The following KAZN variants were observed in gnomAD, a reference collection of about 807,000 sequenced individuals.
KAZN encodes the protein kazrin, periplakin interacting protein.
KAZN carries 40 observed loss-of-function variants against 87.4 expected under a neutral mutation model. The observed-to-expected ratio is 0.46, with a 90% CI of 0.36 to 0.60. The LOEUF (loss-of-function observed/expected upper bound fraction) is 0.60, where lower values mean the gene tolerates loss of function less well. KAZN is among the 20% of genes least tolerant of loss of function. The pLI, the probability that KAZN is intolerant of heterozygous loss-of-function variation, is 0.00. For synonymous variants in KAZN, 466 were observed against 458.3 expected (o/e 1.02, Z -0.22); for missense variants, 898 against 1,073.9 (o/e 0.84, Z 2.29).
chr1:14,587,845 C>T (rs747769989), intron 2 of KAZN, among the ~76,000 whole-genome samples: 9 of 152,252 alleles, frequency 5.9e-5, no homozygotes, highest in Middle Eastern at 3.4e-3. Context: ...TCCCCTTCTA[C>T]GCACCTCCCC....
At chr1:15,041,252 G>A (rs1202315470) in intron 3 of KAZN, among the ~76,000 whole-genome samples, 4 of 149,028 alleles carry the variant, frequency 2.7e-5, no homozygotes, top group African/African-American at 7.5e-5. Context: ...ATGAGCCACC[G>A]CACCCGGCTC....
chr1:13,941,098 G>T (rs79817419), intron 1 of KAZN, among the ~76,000 whole-genome samples: 5 of 152,086 alleles, frequency 3.3e-5, no homozygotes, highest in East Asian at 1.9e-4. Flanking sequence ...GGAGGCTGAG[G>T]GGGAGAGAAT....
intron 1 of KAZN, among the ~76,000 whole-genome samples, chr1:14,916,731 G>A (rs1657855039): frequency 6.6e-6 from 1 of 151,976 alleles, no homozygotes; most frequent in Non-Finnish European, 1.5e-5. Context: ...GGGCAACACA[G>A]TGAGACCCTA....
intron 2 of KAZN, among the ~76,000 whole-genome samples, chr1:14,191,337 A>G (rs1430700642): frequency 6.6e-6 from 1 of 152,188 alleles, no homozygotes; most frequent in Non-Finnish European, 1.5e-5. Context: ...AGCAAGTAGC[A>G]ATTTCATTAA....
At chr1:14,969,041 G>A (rs1398750788) in intron 2 of KAZN, among the ~76,000 whole-genome samples, 12 of 152,324 alleles carry the variant, frequency 7.9e-5, no homozygotes, top group East Asian at 3.9e-4. Context: ...TAAGTCCAGC[G>A]GGGTCGGTGG....
chr1:14,640,750 T>C (rs968648099), intron 1 of KAZN, among the ~76,000 whole-genome samples: 1 of 152,176 alleles, frequency 6.6e-6, no homozygotes, highest in Non-Finnish European at 1.5e-5. Context: ...ATGCCATTTG[T>C]TCTGCCTGGA....
chr1:14,089,623 A>C (rs181158860), intron 1 of KAZN, among the ~76,000 whole-genome samples: 70 of 152,256 alleles, frequency 4.6e-4, no homozygotes, highest in Non-Finnish European at 5.0e-4. Flanking sequence ...ATGTGGTCTA[A>C]ACTCCACAGT....
At chr1:15,010,367 G>A (rs776235332) in intron 2 of KAZN, among the ~76,000 whole-genome samples, 7 of 150,024 alleles carry the variant, frequency 4.7e-5, no homozygotes, top group African/African-American at 1.5e-4. Context: ...CCAGGGGCAC[G>A]TGCCATCTGG....
chr1:14,957,861 C>T (rs780636897), intron 1 of KAZN, among the ~76,000 whole-genome samples: 2 of 152,224 alleles, frequency 1.3e-5, no homozygotes, highest in Non-Finnish European at 2.9e-5. Flanking sequence ...ATGTGCCTTG[C>T]ACCTCAGAGG....
At chr1:15,014,545 A>C (rs1669889157) in intron 2 of KAZN, among the ~76,000 whole-genome samples, 1 of 152,086 alleles carries the variant, frequency 6.6e-6, no homozygotes, top group African/African-American at 2.4e-5. Context: ...CTCTCGTGGC[A>C]CGGCATTTCC....
At chr1:14,048,365 A>G (rs1396180148) in intron 1 of KAZN, among the ~76,000 whole-genome samples, 1 of 151,348 alleles carries the variant, frequency 6.6e-6, no homozygotes, top group Non-Finnish European at 1.5e-5. Flanking sequence ...CTGCTGTTAC[A>G]GCAACCAAAC....
chr1:14,216,390 T>C (rs1470059983), intron 2 of KAZN, among the ~76,000 whole-genome samples: 1 of 152,152 alleles, frequency 6.6e-6, no homozygotes, highest in East Asian at 1.9e-4. Context: ...GGGTAGTCAC[T>C]CACTGAGGAC....
At chr1:14,940,558 CT>C (rs1660941157) in intron 1 of KAZN, among the ~76,000 whole-genome samples, 1 of 152,208 alleles carries the variant, frequency 6.6e-6, no homozygotes, top group Admixed American at 6.5e-5. Flanking sequence ...CACAGGGCTT[CT>C]TGCCTTGATC....
At chr1:14,669,016 C>T (rs1178225098) in intron 1 of KAZN, among the ~76,000 whole-genome samples, 1 of 152,182 alleles carries the variant, frequency 6.6e-6, no homozygotes, top group Non-Finnish European at 1.5e-5. Flanking sequence ...GGGGGATTTT[C>T]AAAGGTTTAT....
chr1:14,503,352 C>T (rs887707225), intron 2 of KAZN, among the ~76,000 whole-genome samples: 12 of 151,118 alleles, frequency 7.9e-5, no homozygotes, highest in Admixed American at 2.6e-4. Context: ...GGCGTGGTGG[C>T]GGGTGCCTGT....
intron 1 of KAZN, among the ~76,000 whole-genome samples, chr1:14,741,650 A>T (rs1184939403): frequency 6.6e-6 from 1 of 152,138 alleles, no homozygotes; most frequent in East Asian, 1.9e-4. Context: ...TGAAAAGGAG[A>T]GGGAGGGAGA....
intron 1 of KAZN, among the ~76,000 whole-genome samples, chr1:14,686,671 C>T (rs886795856): frequency 2.0e-5 from 3 of 152,220 alleles, no homozygotes; most frequent in Admixed American, 6.5e-5. Flanking sequence ...TGCCTAATAT[C>T]GGGTGTAGCG....
intron 1 of KAZN, among the ~76,000 whole-genome samples, chr1:13,899,965 A>G (rs1639186478): frequency 6.6e-6 from 1 of 152,070 alleles, no homozygotes; most frequent in Admixed American, 6.5e-5. Context: ...GGTGCTGACA[A>G]TGTAGCAGCT....
chr1:14,512,698 C>T (rs1670977139), intron 2 of KAZN, among the ~76,000 whole-genome samples: 4 of 152,338 alleles, frequency 2.6e-5, no homozygotes, highest in Middle Eastern at 3.4e-3. Flanking sequence ...GCTGCTGTTC[C>T]GACACCCACT....
Sources: allele counts gnomAD v4.1 joint callset (sites outside exome capture counted in the v4.1 genomes callset), GRCh38; gene constraint gnomAD v4.1.1; transcripts MANE v1.5; gene names NCBI Gene and HGNC (gene_info 2026-07-23, HGNC 2026-07-21).